The following SFI1 variants were observed in gnomAD, a reference collection of about 807,000 sequenced individuals.
SFI1 encodes SFI1 centrin binding protein, also known as protein SFI1 homolog.
Under a neutral mutation model 207.5 loss-of-function variants are expected in SFI1, and 195 were observed. The observed-to-expected ratio is 0.94, with a 90% confidence interval of 0.84 to 1.06. SFI1 has a LOEUF of 1.06. SFI1 is among the 50% of genes least tolerant of loss of function. The pLI is 0.00. For synonymous variants in SFI1, 630 were observed against 598.9 expected (o/e 1.05, Z -0.76); for missense variants, 1,634 against 1,588.0 (o/e 1.03, Z -0.49).
intron 2 of SFI1, among the ~76,000 whole-genome samples, chr22:31,514,620 C>T (rs974064197): frequency 2.0e-4 from 31 of 151,960 alleles, no homozygotes; most frequent in African/African-American, 7.3e-4. Context: ...TTGGTAACCA[C>T]CATTCTCCTC....
chr22:31,585,060 T>C lies in SFI1; in HGVS notation c.1347-8T>C. On this transcript the variant is annotated splice_polypyrimidine_tract_variant and splice_region_variant and intron_variant, in intron 13 of 32. Coordinates refer to ENST00000400288, the MANE Select transcript of SFI1 (RefSeq NM_001007467.3). ...TGAAACCTGAAGGTGTTCTTCCTTTTGTTTCAGAATAGCACTGCTGTGCAA... is the reference window on the plus strand; with the variant it reads ...TGAAACCTGAAGGTGTTCTTCCTTTCGTTTCAGAATAGCACTGCTGTGCAA... The C allele has an allele frequency of 1.9e-6, 3 of 1,611,394 alleles. No individual in the cohort carries two copies. Among genetic ancestry groups the C allele is most frequent in the Non-Finnish European group, 2.5e-6 (3 of 1,179,192 alleles).
At chr22:31,590,983 T>TTTATTTATTTATTTATTTA (rs1556252852) in intron 15 of SFI1, among the ~76,000 whole-genome samples, 1 of 138,488 alleles carries the variant, frequency 7.2e-6, no homozygotes, top group African/African-American at 2.8e-5. Context: ...TTATTTATTT[T>TTTATTTATTTATTTATTTA]TTTATTGATA....
At chr22:31,560,426 G>C (rs1183195481) in intron 7 of SFI1, among the ~76,000 whole-genome samples, 6 of 139,094 alleles carry the variant, frequency 4.3e-5, no homozygotes, top group Non-Finnish European at 7.7e-5. Flanking sequence ...TTTTGAGGTG[G>C]AGTCTCACTC....
intron 1 of SFI1, 25 bp from the exon 2 acceptor site, chr22:31,508,230 C>CT (rs1569166740): frequency 7.3e-7 from 1 of 1,366,106 alleles, no homozygotes; most frequent in South Asian, 1.2e-5. Flanking sequence ...CATTTTCTCT[C>CT]TTTTTTATTC....
intron 2 of SFI1, among the ~76,000 whole-genome samples, chr22:31,514,069 G>T (rs1418914936): frequency 6.6e-6 from 1 of 151,134 alleles, no homozygotes; most frequent in Non-Finnish European, 1.5e-5. Context: ...GGGAGTTGGA[G>T]GTTGCAGTGA....
Position 31,573,168 on chromosome 22 carries a change from C to T in SFI1, c.876C>T (p.Ala292=). The T allele has an allele frequency of 1.2e-6, 2 of 1,614,048 alleles. No individual in the cohort carries two copies. The highest frequency in any genetic ancestry group is 1.7e-6 in the Non-Finnish European group (2 of 1,180,018). The change falls in exon 9 of 33, where the codon GCC becomes GCT. Residue 292 remains alanine (A), a synonymous_variant. Transcript: ENST00000400288. ...GGCAAAAACGGAGATTTCTAAAGGC[C>T]TGGCTTGAATACCTGCAAGTCCGCA... ...QHWQKRRFLK[A]WLEYLQVRRV... is the part of the protein sequence containing the mutation.
chr22:31,568,768 G>A (rs2062661448), intron 8 of SFI1, among the ~76,000 whole-genome samples: 1 of 151,994 alleles, frequency 6.6e-6, no homozygotes, highest in Non-Finnish European at 1.5e-5. Flanking sequence ...CAATTTGGAA[G>A]GGTTCCCAGG....
chr22:31,591,863 G>A (rs1172680327), intron 15 of SFI1, among the ~76,000 whole-genome samples: 1 of 69,196 alleles, frequency 1.4e-5, no homozygotes, highest in African/African-American at 8.8e-5. Context: ...GGGCAGAGGC[G>A]CCCCTCACCT....
chr22:31,583,868 G>A lies in SFI1; in HGVS notation c.1249-7G>A. 6.2e-7 allele frequency: 1 copy of A among 1,613,150 alleles called. No homozygotes were observed. Among genetic ancestry groups the A allele is most frequent in the South Asian group, 1.1e-5 (1 of 91,058 alleles). On this transcript the variant is annotated splice_polypyrimidine_tract_variant and splice_region_variant and intron_variant, in intron 12 of 32. Coordinates refer to ENST00000400288, the MANE Select transcript of SFI1 (RefSeq NM_001007467.3). ...TACATTTCCATCTTCTTCCTCCCTT[G>A]CTTTAGCTGCTGCACAGGTTCTGGA...
intron 1 of SFI1, among the ~76,000 whole-genome samples, chr22:31,501,459 C>T (rs572464872): frequency 2.6e-5 from 4 of 152,050 alleles, no homozygotes; most frequent in Non-Finnish European, 4.4e-5. Context: ...CGTGAGTCAC[C>T]GTGCCCAGCT....
In SFI1 at chr22:31,583,726, C is replaced by T. The variant is rs1050715343; in HGVS notation, c.1249-149C>T. 1.3e-5 allele frequency: 9 copies of T among 703,130 alleles called. No homozygotes were observed. In the African/African-American group the frequency reaches 1.6e-4, roughly 12 times the overall value. The allele number at this position is 703,130 out of a possible 1,614,324, so 43.6% of individuals were successfully genotyped here. The stretch of plus-strand genomic sequence containing the variant: ...GGCCCAGAATAGCTCTATAGTTGAG[C>T]CCTCATTAATTTGTATGCCCACTGT... On this transcript the variant is annotated intron_variant, in intron 12 of 32. Coordinates refer to ENST00000400288, the MANE Select transcript of SFI1 (RefSeq NM_001007467.3).
chr22:31,569,620 C>G (rs777982501), intron 8 of SFI1, among the ~76,000 whole-genome samples: 1 of 152,066 alleles, frequency 6.6e-6, no homozygotes, highest in Admixed American at 6.6e-5. Flanking sequence ...ACAATTAAAG[C>G]GAACCAAAAT....
At chr22:31,585,224 A>G in intron 14 of SFI1, 90 bp downstream of exon 14, 1 of 1,136,914 alleles carries the variant, frequency 8.8e-7, no homozygotes, top group South Asian at 1.4e-5. Flanking sequence ...ACCTATGCCA[A>G]GAAGTCTTAT....
chr22:31,575,290 CA>C lies in SFI1; in HGVS notation c.983del (p.Gln328ArgfsTer65), dbSNP rs770435155. 1.3e-4 allele frequency: 217 copies of C among 1,613,196 alleles called. No individual in the cohort carries two copies. Among genetic ancestry groups the C allele is most frequent in the Non-Finnish European group, 1.7e-4 (201 of 1,179,698 alleles). ...VLQIYFCDWQ[Q>X]AWERRESLYA... ...CCAGATATACTTCTGTGACTGGCAGCAGGCCTGGGAGCGGAGGGAGAGCTTG... is the reference window on the plus strand; with the variant it reads ...CCAGATATACTTCTGTGACTGGCAGCGGCCTGGGAGCGGAGGGAGAGCTTG... On this transcript the variant is annotated frameshift_variant, in exon 10 of 33. Transcript: ENST00000400288. LOFTEE classifies it high-confidence loss of function.
intron 4 of SFI1, 65 bp downstream of exon 4, chr22:31,531,194 C>T: frequency 7.4e-7 from 1 of 1,349,360 alleles, no homozygotes; most frequent in Non-Finnish European, 1.0e-6. Context: ...TTATATTAAG[C>T]CTGTATATAA....
At chr22:31,580,883 T>C (rs921410048) in intron 12 of SFI1, among the ~76,000 whole-genome samples, 3 of 152,160 alleles carry the variant, frequency 2.0e-5, no homozygotes, top group Admixed American at 2.0e-4. Flanking sequence ...TACCTGCTGA[T>C]AGAAAAACTT....
At position 31,531,079 on chromosome 22, in the gene SFI1, A is replaced by C. The variant is rs778392542; in HGVS notation, c.288A>C (p.Leu96Phe). Residue 96 changes from leucine to phenylalanine, a missense_variant, in exon 4 of 33, where the codon TTA becomes TTC. Physicochemically the swap from Leu to Phe is conservative, Grantham distance 22. Coordinates refer to ENST00000400288, the MANE Select transcript of SFI1 (RefSeq NM_001007467.3). Reference sequence around the variant, plus strand: ...TCAGATGCGTGGCCAGAAAGTTCTTATATTTATGGATTCGAATGACTTTTG... The same window carrying C: ...TCAGATGCGTGGCCAGAAAGTTCTTCTATTTATGGATTCGAATGACTTTTG... ...LRIRCVARKF[L>F]YLWIRMTFGR... is the part of the protein sequence containing the mutation. 3.1e-6 allele frequency: 5 copies of C among 1,613,372 alleles called. No homozygotes were observed. Among genetic ancestry groups the C allele is most frequent in the Non-Finnish European group, 4.2e-6 (5 of 1,179,814 alleles).
chr22:31,562,643 TG>T (rs1602752712), intron 8 of SFI1, among the ~76,000 whole-genome samples: 1 of 148,966 alleles, frequency 6.7e-6, no homozygotes, highest in East Asian at 2.0e-4. Flanking sequence ...TATTTTTTTT[TG>T]ATTTTTTGAG....
intron 2 of SFI1, among the ~76,000 whole-genome samples, chr22:31,516,571 C>T (rs1209505785): frequency 6.6e-6 from 1 of 151,714 alleles, no homozygotes; most frequent in Non-Finnish European, 1.5e-5. Flanking sequence ...GTAATCCCAG[C>T]ACTTTGGAAG....
Sources: allele counts gnomAD v4.1 joint callset (sites outside exome capture counted in the v4.1 genomes callset), GRCh38; gene constraint gnomAD v4.1.1; transcripts MANE v1.5; gene names NCBI Gene and HGNC (gene_info 2026-07-23, HGNC 2026-07-21).